HLA-DRB1: variants seen among roughly 807,000 people sequenced by gnomAD.
HLA-DRB1 encodes major histocompatibility complex, class II, DR beta 1 precursor.
In HLA-DRB1, 10 loss-of-function variants were observed where a neutral mutation model predicts 27.9. The ratio of observed to expected loss-of-function variants is 0.36; its 90% confidence interval spans 0.22 to 0.61. HLA-DRB1 has a LOEUF of 0.61. Ranked by LOEUF, HLA-DRB1 falls within the 20% of genes least tolerant of loss-of-function variation. The pLI is 0.73. For synonymous variants in HLA-DRB1, 57 were observed against 126.7 expected, an observed-to-expected ratio of 0.45 and a Z score of 3.69; for missense variants, 118 against 306.3, an observed-to-expected ratio of 0.39 and a Z score of 4.59.
intron 1 of HLA-DRB1, among the ~76,000 whole-genome samples, chr6:32,584,775 A>AT (rs2150787311): frequency 2.5e-5 from 2 of 79,700 alleles, no homozygotes; most frequent in Non-Finnish European, 2.5e-5. Flanking sequence ...CACCGCGTTC[A>AT]CCCTGTGAAC....
Position 32,580,027 on chromosome 6 carries a change from C to T in HLA-DRB1, c.787+220G>A. ...CTGAGGCAGGAGAATGGCGTGAACCCGGGAGGCGGAGCTTGCAGTGAGCCG... is the reference window on the plus strand; with the variant it reads ...CTGAGGCAGGAGAATGGCGTGAACCTGGGAGGCGGAGCTTGCAGTGAGCCG... On this transcript the variant is annotated intron_variant, in intron 5 of 5. Coordinates refer to ENST00000360004, the Ensembl canonical transcript of HLA-DRB1. 7.7e-5 allele frequency among the ~76,000 whole-genome samples: 2 copies of T among 25,808 alleles called. 1 individual carries two copies. Among genetic ancestry groups the T allele is most frequent in the Non-Finnish European group, 1.5e-4 (2 of 13,560 alleles). 16.9% of individuals were successfully genotyped at this position (25,808 alleles called of 152,430 possible).
intron 2 of HLA-DRB1, among the ~76,000 whole-genome samples, 165 bp from the exon 3 acceptor site, chr6:32,582,003 G>T (rs28723969): frequency 0.054 from 5,452 of 101,624 alleles, no homozygotes; most frequent in Admixed American, 0.094. Context: ...ATTTAATCTT[G>T]ACAGTGAGGA....
intron 1 of HLA-DRB1, among the ~76,000 whole-genome samples, chr6:32,589,429 G>GAC (rs1777027023): frequency 1.2e-5 from 1 of 85,512 alleles, no homozygotes; most frequent in Non-Finnish European, 2.3e-5. Context: ...GAAAAGAAAT[G>GAC]ATTTGTGCAA....
chr6:32,586,585 A>C (rs1458475805), intron 1 of HLA-DRB1, among the ~76,000 whole-genome samples: 3 of 54,186 alleles, frequency 5.5e-5, no homozygotes, highest in Non-Finnish European at 1.1e-4. Context: ...CACACAATCC[A>C]TCTCCCTATG....
In HLA-DRB1 at chr6:32,585,803, A is replaced by C. The variant is rs9270042; in HGVS notation, c.101-1425T>G. On this transcript the variant is annotated intron_variant, in intron 1 of 5. Transcript: ENST00000360004. Reference sequence around the variant, plus strand: ...AAACTGCAATCTGATTTCCAGCACTAAATTTGTAATACTGGGTGTTACTTA... The same window carrying C: ...AAACTGCAATCTGATTTCCAGCACTCAATTTGTAATACTGGGTGTTACTTA... Among the ~76,000 whole-genome samples, 309 of 135,712 alleles carry C rather than the reference A, an allele frequency of 2.3e-3. 5 individuals are homozygous for C. Among genetic ancestry groups the C allele is most frequent in the African/African-American group, 4.6e-3 (160 of 34,984 alleles). 89.0% of individuals were successfully genotyped at this position (135,712 alleles called of 152,430 possible).
chr6:32,586,729 C>A (rs9270097), intron 1 of HLA-DRB1, among the ~76,000 whole-genome samples: 20,580 of 55,228 alleles, frequency 0.37, 6,208 homozygotes, highest in Middle Eastern at 0.55. Flanking sequence ...AAATGTCAAT[C>A]AATCATCTCA....
chr6:32,584,739 GC>G (rs9279739), intron 1 of HLA-DRB1, among the ~76,000 whole-genome samples: 11,610 of 53,768 alleles, frequency 0.22, 1,959 homozygotes, highest in East Asian at 0.27. Context: ...CATCCCACAC[GC>G]TTTACCGGTA....
chr6:32,581,364 A>T (rs28732317), intron 3 of HLA-DRB1, among the ~76,000 whole-genome samples, 193 bp downstream of exon 3: 17,655 of 58,656 alleles, frequency 0.3, 5,280 homozygotes, highest in East Asian at 0.44. Context: ...CTGGCAGGCG[A>T]GACTGCTTCT....
intron 1 of HLA-DRB1, among the ~76,000 whole-genome samples, chr6:32,587,014 C>T (rs113645514): frequency 1.3e-5 from 1 of 76,872 alleles, no homozygotes; most frequent in Admixed American, 1.7e-4. Flanking sequence ...CCCTGCTGTG[C>T]TCCTAAATAG....
In HLA-DRB1 at chr6:32,586,933, C is replaced by T. The variant is rs1356396542; in HGVS notation, c.101-2555G>A. On this transcript the variant is annotated intron_variant, in intron 1 of 5. Transcript: ENST00000360004. ...CAAAAATACATGCCAAGTCTGTCCA[C>T]TTTATCTTTTTCACCATCTTTATCA... Among the ~76,000 whole-genome samples the T allele has an allele frequency of 6.7e-5, 7 of 104,808 alleles. 1 individual carries two copies. The Admixed American group carries it at 8.5e-4, about 13-fold the overall frequency. The allele number at this position is 104,808 out of a possible 152,430, so 68.8% of individuals were successfully genotyped here. A position where few individuals can be genotyped will look rare whatever the true frequency, so the allele number is the denominator to read the frequency against.
Position 32,579,975 on chromosome 6 carries a change from C to T in HLA-DRB1, c.787+272G>A, listed in dbSNP as rs2150753623. Reference sequence around the variant, plus strand: ...AAAATTAGCCGGGCGTAGTGGCGGGCGCCTGTAGTCCCAGCTACTTGGGAG... The same window carrying T: ...AAAATTAGCCGGGCGTAGTGGCGGGTGCCTGTAGTCCCAGCTACTTGGGAG... On this transcript the variant is annotated intron_variant, in intron 5 of 5. Coordinates refer to ENST00000360004, the Ensembl canonical transcript of HLA-DRB1. Among the ~76,000 whole-genome samples, 2 of 33,330 alleles carry T rather than the reference C, an allele frequency of 6.0e-5. 1 individual carries two copies. The highest frequency in any genetic ancestry group is 1.6e-3 in the South Asian group (2 of 1,258). The allele number at this position is 33,330 out of a possible 152,430, so 21.9% of individuals were successfully genotyped here.
At chr6:32,580,955 C>T in intron 3 of HLA-DRB1, 99 bp from the exon 4 acceptor site, 5 of 782,348 alleles carry the variant, frequency 6.4e-6, no homozygotes, top group South Asian at 1.9e-5. Flanking sequence ...CAGAAAGCTG[C>T]CTCACAAGAA....
At chr6:32,586,028 A>T (rs1776331595) in intron 1 of HLA-DRB1, among the ~76,000 whole-genome samples, 1 of 134,682 alleles carries the variant, frequency 7.4e-6, no homozygotes, top group African/African-American at 2.9e-5. Flanking sequence ...TAACTGGTAT[A>T]TGCTATGTCA....
At chr6:32,581,362 C>T (rs35043862) in intron 3 of HLA-DRB1, among the ~76,000 whole-genome samples, 195 bp downstream of exon 3, 11,702 of 79,834 alleles carry the variant, frequency 0.15, 2,624 homozygotes, top group Non-Finnish European at 0.16. Context: ...GCCTGGCAGG[C>T]GAGACTGCTT....
At chr6:32,586,479 T>A (rs200889932) in intron 1 of HLA-DRB1, among the ~76,000 whole-genome samples, 13,319 of 76,744 alleles carry the variant, frequency 0.17, 169 homozygotes, top group Admixed American at 0.26. Flanking sequence ...TCTATTTTCC[T>A]GGACTTACAC....
chr6:32,586,412 G>C (rs9270079), intron 1 of HLA-DRB1, among the ~76,000 whole-genome samples: 50,375 of 71,566 alleles, frequency 0.7, 21,688 homozygotes, highest in Middle Eastern at 0.79. Flanking sequence ...ATTCTCACTT[G>C]CCCCTCCTCT....
exon 6 of HLA-DRB1, chr6:32,579,074 ATG>A (rs760049502): frequency 2.9e-6 from 2 of 699,814 alleles, no homozygotes; most frequent in Admixed American, 5.0e-5. Flanking sequence ...TCTTCCTTGA[ATG>A]TGGTCATCTG....
chr6:32,581,404 C>CTGT (rs1775465200), intron 3 of HLA-DRB1, among the ~76,000 whole-genome samples, 153 bp downstream of exon 3: 281 of 50,322 alleles, frequency 5.6e-3, no homozygotes, highest in African/African-American at 6.9e-3. Flanking sequence ...CTAGAAACAC[C>CTGT]TACAGGGCTA....
rs1282220519 is a variant in HLA-DRB1 at position 32,586,820 on chromosome 6, C to T, written c.101-2442G>A. Among the ~76,000 whole-genome samples the T allele has an allele frequency of 4.2e-5, 4 of 95,228 alleles. 1 individual carries two copies. The highest frequency in any genetic ancestry group is 6.6e-5 in the Non-Finnish European group (3 of 45,654). The allele number at this position is 95,228 out of a possible 152,430, so 62.5% of individuals were successfully genotyped here. ...GTTTTTCCTATCTCAATAAACAACA[C>T]TACCACCCATTTATTTGTCAAAAGA... On this transcript the variant is annotated intron_variant, in intron 1 of 5. Transcript: ENST00000360004.
Sources: allele counts gnomAD v4.1 joint callset (sites outside exome capture counted in the v4.1 genomes callset), GRCh38; gene constraint gnomAD v4.1.1; transcripts MANE v1.5; gene names NCBI Gene and HGNC (gene_info 2026-07-23, HGNC 2026-07-21).